KATNIP: variants seen among roughly 807,000 people sequenced by gnomAD.
KATNIP encodes the protein katanin interacting protein.
KATNIP carries 126 observed loss-of-function variants against 174.0 expected under a neutral mutation model. That is an observed-to-expected ratio of 0.72 (90% confidence interval 0.63 to 0.84). The LOEUF (loss-of-function observed/expected upper bound fraction) is 0.84. Ranked by LOEUF, KATNIP falls within the 40% of genes least tolerant of loss-of-function variation. The probability of loss-of-function intolerance (pLI) is 0.00; values close to 1 mark genes in which losing one functional copy is unlikely to be tolerated. For missense variants in KATNIP, 1,958 were observed against 2,109.7 expected (o/e 0.93, Z 1.41); for synonymous variants, 810 against 835.7 (o/e 0.97, Z 0.53).
At position 27,748,834 on chromosome 16, in the gene KATNIP, A is replaced by T. The variant is rs186183199; in HGVS notation, c.2624-750A>T. Reference sequence around the variant, plus strand: ...TAAAAGTAATGCATGAAGGGAATTTAAAAAAATCAAGCTACAAAGAAGAAA... The same window carrying T: ...TAAAAGTAATGCATGAAGGGAATTTTAAAAAATCAAGCTACAAAGAAGAAA... On this transcript the variant is annotated intron_variant, in intron 15 of 27. Transcript: ENST00000261588. Among the ~76,000 whole-genome samples the T allele has an allele frequency of 4.2e-3, 632 of 152,232 alleles. 3 individuals carry two copies. Among genetic ancestry groups the T allele is most frequent in the Middle Eastern group, 6.8e-3 (2 of 294 alleles).
chr16:27,647,725 G>T (rs376782409), intron 5 of KATNIP, among the ~76,000 whole-genome samples: 1 of 152,064 alleles, frequency 6.6e-6, no homozygotes, highest in African/African-American at 2.4e-5. Flanking sequence ...GGCTGGTCTC[G>T]AACTCCTGAC....
At chr16:27,701,367 G>A (rs1423339355) in intron 10 of KATNIP, 3 of 458,850 alleles carry the variant, frequency 6.5e-6, no homozygotes, top group Non-Finnish European at 8.1e-6. Context: ...ACTCATCGAA[G>A]TGGATTGTTT....
At chr16:27,610,447 A>G (rs1009733295) in intron 2 of KATNIP, among the ~76,000 whole-genome samples, 6 of 152,094 alleles carry the variant, frequency 3.9e-5, no homozygotes, top group African/African-American at 1.2e-4. Flanking sequence ...ATTTTATTAT[A>G]ATTCTGTCCT....
chr16:27,611,014 G>C lies in KATNIP; in HGVS notation c.64-7411G>C, dbSNP rs191654771. Among the ~76,000 whole-genome samples, 173 of 152,232 alleles carry C rather than the reference G, an allele frequency of 1.1e-3. 1 individual carries two copies. Among genetic ancestry groups the C allele is most frequent in the Admixed American group, 4.4e-3 (68 of 15,286 alleles). ...AATATTCATCTTACATATGTTGATTGATGTCTCATGTCTCCCTAAAATGTA... is the reference window on the plus strand; with the variant it reads ...AATATTCATCTTACATATGTTGATTCATGTCTCATGTCTCCCTAAAATGTA... On this transcript the variant is annotated intron_variant, in intron 2 of 27. Transcript: ENST00000261588.
At chr16:27,735,794 G>A (rs1052326738) in intron 14 of KATNIP, among the ~76,000 whole-genome samples, 2 of 152,166 alleles carry the variant, frequency 1.3e-5, no homozygotes, top group African/African-American at 4.8e-5. Context: ...AGGCTAAGAA[G>A]GGGTTAGTAT....
intron 5 of KATNIP, among the ~76,000 whole-genome samples, chr16:27,632,048 A>T (rs1379263929): frequency 6.6e-6 from 1 of 152,210 alleles, no homozygotes; most frequent in East Asian, 1.9e-4. Flanking sequence ...GAGTTTTCCA[A>T]GGTCAACAGC....
At chr16:27,558,025 T>C (rs1330237905) in intron 1 of KATNIP, among the ~76,000 whole-genome samples, 1 of 152,242 alleles carries the variant, frequency 6.6e-6, no homozygotes. Context: ...TCTCATTGTG[T>C]CTGTCACTCC....
chr16:27,591,332 G>A (rs374228145), intron 2 of KATNIP, among the ~76,000 whole-genome samples: 7 of 151,940 alleles, frequency 4.6e-5, no homozygotes, highest in Non-Finnish European at 8.8e-5. Context: ...TTACAGGCAC[G>A]CACCACCACA....
intron 1 of KATNIP, among the ~76,000 whole-genome samples, chr16:27,564,637 G>T (rs1189992045): frequency 6.6e-6 from 1 of 151,976 alleles, no homozygotes; most frequent in East Asian, 1.9e-4. Context: ...AAGTGACAGG[G>T]GTATCATATC....
Position 27,631,022 on chromosome 16 carries a change from C to T in KATNIP, c.311-43C>T. 14 of 1,469,326 alleles carry T rather than the reference C, an allele frequency of 9.5e-6. 1 individual carries two copies. In the South Asian group the frequency reaches 9.7e-5, roughly 10 times the overall value. The allele number at this position is 1,469,326 out of a possible 1,614,324, so 91.0% of individuals were successfully genotyped here. A position where few individuals can be genotyped will look rare whatever the true frequency, so the allele number is the denominator to read the frequency against. ...AACCAACCCAGTACTGTGAGCTTGTCATCAGTGCCTCACCAAGTCTCCTTC... is the reference window on the plus strand; with the variant it reads ...AACCAACCCAGTACTGTGAGCTTGTTATCAGTGCCTCACCAAGTCTCCTTC... On this transcript the variant is annotated intron_variant, in intron 4 of 27. Coordinates refer to ENST00000261588, the MANE Select transcript of KATNIP (RefSeq NM_015202.5).
chr16:27,556,474 A>C (rs1201155733), intron 1 of KATNIP, among the ~76,000 whole-genome samples: 2 of 152,214 alleles, frequency 1.3e-5, no homozygotes, highest in African/African-American at 4.8e-5. Flanking sequence ...CAGCACATTG[A>C]TATAATTAGA....
Position 27,686,297 on chromosome 16 carries a change from T to G in KATNIP, c.940+4767T>G, listed in dbSNP as rs118085543. On this transcript the variant is annotated intron_variant, in intron 8 of 27. Coordinates refer to ENST00000261588, the MANE Select transcript of KATNIP (RefSeq NM_015202.5). ...TTTTTTGGTACATACAGAATTTGAC[T>G]TTTTATATCTTCTAAGGGAATTGAA... Among the ~76,000 whole-genome samples the G allele has an allele frequency of 8.8e-3, 1,340 of 152,346 alleles. 8 individuals carry two copies. The highest frequency in any genetic ancestry group is 0.015 in the Non-Finnish European group (1,010 of 68,028).
intron 13 of KATNIP, among the ~76,000 whole-genome samples, chr16:27,718,052 A>C (rs1267921664): frequency 2.6e-5 from 4 of 152,294 alleles, no homozygotes; most frequent in Admixed American, 2.6e-4. Flanking sequence ...TAAATAAGCT[A>C]CTTACATGTG....
intron 8 of KATNIP, among the ~76,000 whole-genome samples, chr16:27,683,739 T>C (rs1248954804): frequency 6.6e-6 from 1 of 151,922 alleles, no homozygotes; most frequent in East Asian, 1.9e-4. Context: ...TGAGTCTGCT[T>C]TCGGAGCTCC....
At chr16:27,699,735 T>C (rs2079034343) in intron 10 of KATNIP, 136 bp downstream of exon 10, 4 of 1,139,698 alleles carry the variant, frequency 3.5e-6, no homozygotes, top group Non-Finnish European at 5.0e-6. Flanking sequence ...TCCTTCACAC[T>C]GTCCTACCAG....
At chr16:27,703,009 A>G (rs2079156910) in intron 11 of KATNIP, among the ~76,000 whole-genome samples, 1 of 152,144 alleles carries the variant, frequency 6.6e-6, no homozygotes, top group Non-Finnish European at 1.5e-5. Flanking sequence ...TCTACTAAAA[A>G]TACAAAAATT....
intron 13 of KATNIP, among the ~76,000 whole-genome samples, chr16:27,720,618 T>C (rs1032909522): frequency 1.3e-5 from 2 of 148,934 alleles, no homozygotes; most frequent in African/African-American, 5.0e-5. Context: ...GGGCCTGACA[T>C]GGACGTGAAA....
At chr16:27,643,821 G>T (rs952325474) in intron 5 of KATNIP, among the ~76,000 whole-genome samples, 5 of 151,820 alleles carry the variant, frequency 3.3e-5, no homozygotes, top group Non-Finnish European at 7.4e-5. Flanking sequence ...TACTAAACCT[G>T]CAGGGAATTG....
At chr16:27,672,273 C>A (rs1007922478) in intron 6 of KATNIP, among the ~76,000 whole-genome samples, 4 of 152,058 alleles carry the variant, frequency 2.6e-5, no homozygotes, top group East Asian at 1.9e-4. Flanking sequence ...GTTCCTACCC[C>A]CAAGACAGCC....
Sources: gnomAD v4.1 joint callset for allele counts (sites outside exome capture counted in the v4.1 genomes callset) on GRCh38, gnomAD v4.1.1 for gene constraint, MANE v1.5 for transcripts, NCBI Gene and HGNC (gene_info 2026-07-23, HGNC 2026-07-21) for gene names.